The following POLR3B variants were observed in gnomAD, a reference collection of about 807,000 sequenced individuals.
POLR3B encodes RNA polymerase III subunit B.
A neutral mutation model predicts 147.4 loss-of-function variants in POLR3B; 96 were observed. The observed-to-expected ratio is 0.65, with a 90% confidence interval of 0.55 to 0.77. The LOEUF (loss-of-function observed/expected upper bound fraction) is 0.77. Among genes scored for constraint, POLR3B ranks in the 30% least tolerant of loss-of-function variants. The pLI is 0.00. For synonymous variants in POLR3B, 461 were observed against 485.9 expected (o/e 0.95, Z 0.67); for missense variants, 1,036 against 1,413.5 (o/e 0.73, Z 4.28).
chr12:106,397,907 T>C (rs2037002175), intron 10 of POLR3B, among the ~76,000 whole-genome samples: 1 of 152,248 alleles, frequency 6.6e-6, no homozygotes, highest in Admixed American at 6.5e-5. Context: ...GGTCTACAGC[T>C]ACCAGCGTGA....
At chr12:106,493,034 G>C (rs79263295) in intron 23 of POLR3B, among the ~76,000 whole-genome samples, 1 of 152,092 alleles carries the variant, frequency 6.6e-6, no homozygotes, top group Non-Finnish European at 1.5e-5. Context: ...TAAACAATGG[G>C]GTTGAGACAC....
At chr12:106,438,267 T>C (rs963045543) in intron 18 of POLR3B, among the ~76,000 whole-genome samples, 4 of 152,168 alleles carry the variant, frequency 2.6e-5, no homozygotes, top group Middle Eastern at 3.2e-3. Context: ...ATGTATATTG[T>C]ATATTTCTGT....
chr12:106,429,290 C>T (rs910140228), intron 13 of POLR3B, among the ~76,000 whole-genome samples: 6 of 152,172 alleles, frequency 3.9e-5, no homozygotes, highest in African/African-American at 1.4e-4. Context: ...CAGACGTGCA[C>T]CACCACGCCC....
intron 23 of POLR3B, among the ~76,000 whole-genome samples, chr12:106,466,662 G>C (rs111747308): frequency 0.34 from 51,009 of 151,966 alleles, 11,363 homozygotes; most frequent in African/African-American, 0.63. Flanking sequence ...TTTCAGTTTT[G>C]TGCATATGGC....
At chr12:106,448,555 G>C (rs551788048) in intron 19 of POLR3B, among the ~76,000 whole-genome samples, 1 of 143,348 alleles carries the variant, frequency 7.0e-6, no homozygotes, top group Non-Finnish European at 1.5e-5. Context: ...TCCTGCCTTA[G>C]CCTCCTGAGT....
intron 12 of POLR3B, among the ~76,000 whole-genome samples, chr12:106,422,837 CA>C (rs1358206281): frequency 5.9e-5 from 9 of 152,104 alleles, no homozygotes; most frequent in African/African-American, 2.2e-4. Flanking sequence ...CAATTTTCAT[CA>C]AAGTAAGTCT....
chr12:106,439,936 A>G (rs557471404), intron 18 of POLR3B, among the ~76,000 whole-genome samples: 4 of 151,842 alleles, frequency 2.6e-5, no homozygotes, highest in African/African-American at 9.7e-5. Flanking sequence ...GTGTGCACCT[A>G]TGATCCCAGC....
intron 18 of POLR3B, among the ~76,000 whole-genome samples, chr12:106,439,518 G>T (rs1044043875): frequency 6.6e-6 from 1 of 151,412 alleles, no homozygotes; most frequent in East Asian, 1.9e-4. Context: ...GGTGATGTAC[G>T]CCTGTAGTCC....
chr12:106,392,689 G>A (rs1593014650), intron 9 of POLR3B, among the ~76,000 whole-genome samples: 1 of 152,166 alleles, frequency 6.6e-6, no homozygotes, highest in Non-Finnish European at 1.5e-5. Flanking sequence ...TTGGCTGTTT[G>A]TCTTTACAGT....
chr12:106,478,845 G>A (rs2038220887), intron 23 of POLR3B, among the ~76,000 whole-genome samples: 1 of 151,680 alleles, frequency 6.6e-6, no homozygotes, highest in African/African-American at 2.4e-5. Flanking sequence ...CCCAACTTTG[G>A]TTAGGTATAA....
intron 10 of POLR3B, among the ~76,000 whole-genome samples, chr12:106,404,680 A>G (rs958030849): frequency 2.6e-5 from 4 of 151,898 alleles, no homozygotes; most frequent in African/African-American, 7.3e-5. Flanking sequence ...AGCATTATGT[A>G]TTTTCTCCCA....
chr12:106,445,920 T>C (rs2037717265), intron 19 of POLR3B, among the ~76,000 whole-genome samples: 1 of 152,240 alleles, frequency 6.6e-6, no homozygotes, highest in South Asian at 2.1e-4. Context: ...TTTCAAGTTT[T>C]TATATTGCCC....
At chr12:106,415,849 C>T (rs1225992166) in intron 12 of POLR3B, among the ~76,000 whole-genome samples, 2 of 152,210 alleles carry the variant, frequency 1.3e-5, no homozygotes, top group East Asian at 3.8e-4. Context: ...TGACCCACCT[C>T]TGACCCTCTT....
intron 18 of POLR3B, among the ~76,000 whole-genome samples, chr12:106,440,532 C>T (rs943375150): frequency 3.3e-5 from 5 of 152,192 alleles, no homozygotes; most frequent in African/African-American, 1.2e-4. Flanking sequence ...CTTCTCCAAA[C>T]ACTCCAGGCG....
chr12:106,437,112 G>T lies in POLR3B; in HGVS notation c.1837G>T (p.Glu613Ter). The change falls in exon 17 of 28, where the codon GAG (glutamate) becomes TAG (stop). Residue 613 changes from glutamate to a stop codon, truncating the protein, a stop_gained. Transcript: ENST00000228347. LOFTEE classifies it high-confidence loss of function. ...AGCAGTCACAAATAAACATATGGAA[G>T]AGCTGGCCCAAGGGTACAGGTAAGT... ...KPAVTNKHME[E>*]LAQGYRNFED... The T allele has an allele frequency of 6.2e-7, 1 of 1,613,188 alleles. No individual in the cohort carries two copies.
intron 9 of POLR3B, among the ~76,000 whole-genome samples, chr12:106,384,688 G>T (rs1475759537): frequency 6.6e-6 from 1 of 152,084 alleles, no homozygotes; most frequent in East Asian, 1.9e-4. Context: ...AAGTGCTGTC[G>T]AGGTGTTCCA....
At chr12:106,386,299 C>T (rs912194300) in intron 9 of POLR3B, among the ~76,000 whole-genome samples, 4 of 150,476 alleles carry the variant, frequency 2.7e-5, no homozygotes, top group Non-Finnish European at 5.9e-5. Flanking sequence ...GGCGAAATCG[C>T]ACCACTGCAC....
At chr12:106,495,902 G>T in intron 23 of POLR3B, 153 bp from the exon 24 acceptor site, 3 of 738,522 alleles carry the variant, frequency 4.1e-6, no homozygotes, top group Non-Finnish European at 5.0e-6. Flanking sequence ...AAGCAGGATT[G>T]TTGAAAATCA....
chr12:106,375,457 G>A (rs2036665120), intron 6 of POLR3B, among the ~76,000 whole-genome samples: 2 of 152,118 alleles, frequency 1.3e-5, no homozygotes, highest in South Asian at 2.1e-4. Context: ...ATTAGGTGTT[G>A]ATTAGTCGCT....
Sources: gnomAD v4.1 joint callset for allele counts (sites outside exome capture counted in the v4.1 genomes callset) on GRCh38, gnomAD v4.1.1 for gene constraint, MANE v1.5 for transcripts, NCBI Gene and HGNC (gene_info 2026-07-23, HGNC 2026-07-21) for gene names.